PCSK5: variants seen among roughly 807,000 people sequenced by gnomAD.
PCSK5 encodes the protein proprotein convertase subtilisin/kexin type 5, also known as prohormone convertase 5.
Under a neutral mutation model 233.2 loss-of-function variants are expected in PCSK5, and 129 were observed. The ratio of observed to expected loss-of-function variants is 0.55; its 90% CI spans 0.48 to 0.64. The LOEUF (loss-of-function observed/expected upper bound fraction) is 0.64. Among genes scored for constraint, PCSK5 ranks in the 30% least tolerant of loss-of-function variants. The probability of loss-of-function intolerance (pLI) is 0.00; values close to 1 mark genes in which losing one functional copy is unlikely to be tolerated. For synonymous variants in PCSK5, 825 were observed against 879.2 expected, an observed-to-expected ratio of 0.94 and a Z score of 1.09; for missense variants, 2,076 against 2,430.1, an observed-to-expected ratio of 0.85 and a Z score of 3.06.
At chr9:75,938,108 A>C (rs111287277) in intron 2 of PCSK5, among the ~76,000 whole-genome samples, 3,037 of 152,242 alleles carry the variant, frequency 0.02, 65 homozygotes, top group African/African-American at 0.04. Context: ...TGTTTGGCTC[A>C]AGAGGCCTGG....
chr9:76,340,267 A>G (rs977586585), intron 35 of PCSK5, among the ~76,000 whole-genome samples: 3 of 152,184 alleles, frequency 2.0e-5, no homozygotes, highest in Non-Finnish European at 4.4e-5. Context: ...ATAAGTTTTC[A>G]TTCAGTGTTT....
At chr9:75,979,725 G>A (rs745456101) in intron 2 of PCSK5, among the ~76,000 whole-genome samples, 3 of 152,342 alleles carry the variant, frequency 2.0e-5, no homozygotes, top group South Asian at 2.1e-4. Context: ...TGCACAGATG[G>A]TTTCTCATTA....
chr9:75,901,544 G>A (rs1056525890), intron 1 of PCSK5, among the ~76,000 whole-genome samples: 9 of 151,710 alleles, frequency 5.9e-5, no homozygotes, highest in African/African-American at 1.7e-4. Flanking sequence ...CCTTGATGAC[G>A]GGTTGATGGG....
intron 27 of PCSK5, among the ~76,000 whole-genome samples, chr9:76,301,231 C>A (rs1055859873): frequency 6.7e-6 from 1 of 149,448 alleles, no homozygotes. Flanking sequence ...GAGATCACAC[C>A]ACTGCACTCC....
At chr9:76,083,227 A>G (rs1830923111) in intron 7 of PCSK5, among the ~76,000 whole-genome samples, 2 of 143,328 alleles carry the variant, frequency 1.4e-5, no homozygotes, top group African/African-American at 2.6e-5. Flanking sequence ...AAAAAAAAAA[A>G]GAAGAAGTAT....
intron 12 of PCSK5, among the ~76,000 whole-genome samples, chr9:76,159,801 G>C (rs930725337): frequency 6.7e-6 from 1 of 148,254 alleles, no homozygotes; most frequent in African/African-American, 2.5e-5. Context: ...TGTTTTTAAG[G>C]TTGCCTCTTC....
chr9:76,046,324 C>T lies in PCSK5; in HGVS notation c.632+19287C>T, dbSNP rs887793539. ...TCCCAAGTAGCTGGGATTACAGGCG[C>T]GCGCCGCTATGCCCAGCTAATTTTT... On this transcript the variant is annotated intron_variant, in intron 5 of 37. Transcript: ENST00000674117. Among the ~76,000 whole-genome samples the T allele has an allele frequency of 7.1e-4, 107 of 150,122 alleles. 1 individual carries two copies. Among genetic ancestry groups the T allele is most frequent in the Non-Finnish European group, 2.1e-4 (14 of 67,472 alleles).
chr9:76,322,618 G>A (rs566698060), intron 31 of PCSK5, among the ~76,000 whole-genome samples: 6 of 152,312 alleles, frequency 3.9e-5, no homozygotes, highest in Non-Finnish European at 7.3e-5. Context: ...ATTCATTGTT[G>A]TACCTGATCA....
intron 24 of PCSK5, 137 bp from the exon 25 acceptor site, chr9:76,292,096 C>A: frequency 1.6e-6 from 1 of 618,234 alleles, no homozygotes; most frequent in South Asian, 2.1e-5. Context: ...ACAATCTGTT[C>A]AAATATTATT....
chr9:76,107,530 G>T (rs1268685327), intron 9 of PCSK5, among the ~76,000 whole-genome samples, 179 bp downstream of exon 9: 1 of 152,198 alleles, frequency 6.6e-6, no homozygotes, highest in Non-Finnish European at 1.5e-5. Flanking sequence ...TTAAGAAGAA[G>T]ATTAGGTTTT....
chr9:76,347,217 T>C (rs969013817), intron 35 of PCSK5, among the ~76,000 whole-genome samples: 1 of 152,080 alleles, frequency 6.6e-6, no homozygotes, highest in Non-Finnish European at 1.5e-5. Context: ...CTGAGGCCCA[T>C]GAAGAGACCC....
intron 28 of PCSK5, among the ~76,000 whole-genome samples, chr9:76,303,489 A>G (rs1828681040): frequency 6.6e-6 from 1 of 152,246 alleles, no homozygotes; most frequent in Non-Finnish European, 1.5e-5. Flanking sequence ...TCATGTCTTT[A>G]TAAATATATT....
chr9:76,328,113 T>C lies in PCSK5; in HGVS notation c.4444T>C (p.Cys1482Arg). The C allele has an allele frequency of 1.2e-6, 2 of 1,612,796 alleles. No individual in the cohort carries two copies. Among genetic ancestry groups the C allele is most frequent in the Non-Finnish European group, 1.7e-6 (2 of 1,179,820 alleles). Residue 1482 changes from cysteine (C) to arginine (R), a missense_variant, in exon 33 of 38, where the codon TGC becomes CGC. Physicochemically the swap from Cys to Arg is radical, Grantham distance 180 (BLOSUM62 -3). Around this residue, in one of 6 missense-constraint regions of PCSK5, gnomAD observed 1,510 missense variants for 1,538.1 expected, o/e 0.98. Transcript: ENST00000674117. ...PRGSCMANEKCSPSEYWDEDA... is the reference protein window; with the variant it reads ...PRGSCMANEKRSPSEYWDEDA... ...TGGGAGCTGCATGGCCAACGAGAAG[T>C]GCTCACCCTCCGAGTACTGGGATGA...
chr9:76,292,260 C>T lies in PCSK5; in HGVS notation c.3170C>T (p.Ala1057Val), dbSNP rs745494536. 1.9e-6 allele frequency: 3 copies of T among 1,580,596 alleles called. No individual in the cohort carries two copies. Among genetic ancestry groups the T allele is most frequent in the Admixed American group, 3.3e-5 (2 of 59,888 alleles). Residue 1057 changes from alanine to valine, a missense_variant, in exon 25 of 38, where the codon GCT becomes GTT. Ala to Val is a moderately conservative substitution (Grantham distance 64). Coordinates refer to ENST00000674117, the MANE Select transcript of PCSK5 (RefSeq NM_001372043.1). ...GATCCAGGAACATGTACATCTTGCG[C>T]TATGGGGTATTACAGGTAAGTCTGG... ...LDDPGTCTSC[A>V]MGYYRFDHHC...
intron 1 of PCSK5, among the ~76,000 whole-genome samples, chr9:75,928,190 G>T (rs1027281999): frequency 6.6e-6 from 1 of 152,126 alleles, no homozygotes; most frequent in African/African-American, 2.4e-5. Flanking sequence ...TATGTAGCTA[G>T]CTTTAAGGAA....
At chr9:76,249,642 T>C (rs1826737827) in intron 24 of PCSK5, among the ~76,000 whole-genome samples, 2 of 152,104 alleles carry the variant, frequency 1.3e-5, no homozygotes, top group African/African-American at 4.8e-5. Flanking sequence ...ATTTGGGGAC[T>C]GGGACAGGAA....
chr9:75,989,886 C>T (rs920468647), intron 3 of PCSK5, among the ~76,000 whole-genome samples: 2 of 151,912 alleles, frequency 1.3e-5, no homozygotes. Context: ...GTGTGGGTGG[C>T]GTACTAGGAG....
At chr9:76,219,221 A>C (rs1825642567) in intron 20 of PCSK5, among the ~76,000 whole-genome samples, 1 of 152,182 alleles carries the variant, frequency 6.6e-6, no homozygotes, top group Non-Finnish European at 1.5e-5. Context: ...GAAATAGGAA[A>C]GGAGTGTGGG....
At chr9:76,152,829 C>A (rs953179945) in intron 10 of PCSK5, among the ~76,000 whole-genome samples, 1 of 152,168 alleles carries the variant, frequency 6.6e-6, no homozygotes, top group Middle Eastern at 3.2e-3. Context: ...AAAGCTGTTA[C>A]GTATATTAAC....
Sources: gnomAD v4.1 joint callset for allele counts (sites outside exome capture counted in the v4.1 genomes callset) on GRCh38, gnomAD v4.1.1 for gene constraint, gnomAD v4.1.1 regional missense constraint, MANE v1.5 for transcripts, NCBI Gene and HGNC (gene_info 2026-07-23, HGNC 2026-07-21) for gene names.